SPAST: variants seen among roughly 807,000 people sequenced by gnomAD.
SPAST encodes the protein spastin, also known as spastic paraplegia 4 (autosomal dominant; spastin).
A neutral mutation model predicts 76.6 loss-of-function variants in SPAST; 30 were observed. That is an observed-to-expected ratio of 0.39 (90% CI 0.29 to 0.53). The LOEUF (loss-of-function observed/expected upper bound fraction) is 0.53, where lower values mean the gene tolerates loss of function less well. SPAST is among the 20% of genes least tolerant of loss of function. SPAST has a pLI of 0.68. For synonymous variants in SPAST, 305 were observed against 281.0 expected, an observed-to-expected ratio of 1.09 and a Z score of -0.86; for missense variants, 717 against 770.5, an observed-to-expected ratio of 0.93 and a Z score of 0.82.
chr2:32,099,388 A>G (rs996135390), intron 4 of SPAST, among the ~76,000 whole-genome samples: 6 of 152,210 alleles, frequency 3.9e-5, no homozygotes, highest in African/African-American at 7.2e-5. Context: ...ATTATTTGCT[A>G]TGGATTAACT....
At chr2:32,093,240 G>A (rs1677792214) in intron 3 of SPAST, among the ~76,000 whole-genome samples, 1 of 149,322 alleles carries the variant, frequency 6.7e-6, no homozygotes, top group African/African-American at 2.5e-5. Context: ...GAACCCGGGA[G>A]GCGGAGCTTG....
At chr2:32,075,298 C>T (rs1036309653) in intron 1 of SPAST, among the ~76,000 whole-genome samples, 18 of 151,154 alleles carry the variant, frequency 1.2e-4, no homozygotes, top group African/African-American at 3.4e-4. Context: ...TGGTAGTGGG[C>T]GCCTGTAATC....
intron 5 of SPAST, 66 bp downstream of exon 5, chr2:32,114,891 C>G: frequency 8.7e-7 from 1 of 1,149,660 alleles, no homozygotes; most frequent in Non-Finnish European, 1.3e-6. Flanking sequence ...AGATACTATT[C>G]CTGCTTAAGT....
At chr2:32,099,957 A>AGTGCTGCC (rs68055859) in intron 4 of SPAST, among the ~76,000 whole-genome samples, 1 of 52,302 alleles carries the variant, frequency 1.9e-5, no homozygotes, top group Non-Finnish European at 4.1e-5. Flanking sequence ...TGTTGTGAAT[A>AGTGCTGCC]GTGCTGCAGT....
chr2:32,135,350 C>A (rs1269416422), intron 9 of SPAST, among the ~76,000 whole-genome samples: 3 of 151,096 alleles, frequency 2.0e-5, no homozygotes, highest in Non-Finnish European at 4.4e-5. Context: ...AGGATGGTCT[C>A]GATCTCCTGA....
intron 7 of SPAST, among the ~76,000 whole-genome samples, chr2:32,121,406 G>A (rs1284478705): frequency 6.6e-6 from 1 of 152,116 alleles, no homozygotes; most frequent in Non-Finnish European, 1.5e-5. Context: ...CTCCCAAAGT[G>A]CTGGGATTAG....
At chr2:32,092,643 T>C (rs1677767150) in intron 3 of SPAST, among the ~76,000 whole-genome samples, 1 of 152,186 alleles carries the variant, frequency 6.6e-6, no homozygotes, top group Non-Finnish European at 1.5e-5. Context: ...AAAGTTGGTG[T>C]CTGTTTTCAC....
chr2:32,086,680 C>G (rs1677489379), intron 1 of SPAST, among the ~76,000 whole-genome samples: 2 of 151,810 alleles, frequency 1.3e-5, no homozygotes, highest in Non-Finnish European at 2.9e-5. Context: ...ATCGCTTGAA[C>G]CCGGGAGGGG....
chr2:32,129,390 G>T (rs1003771582), intron 9 of SPAST: 1 of 152,074 alleles, frequency 6.6e-6, no homozygotes, highest in Non-Finnish European at 1.5e-5. Context: ...CACCTGGCCA[G>T]TAGATTTTCC....
Position 32,128,149 on chromosome 2 carries a change from C to T in SPAST, c.1174-259C>T, listed in dbSNP as rs183664065. 2.0e-4 allele frequency: 83 copies of T among 409,464 alleles called. No individual in the cohort carries two copies. In the East Asian group the frequency reaches 4.4e-3, roughly 22 times the overall value. The allele number at this position is 409,464 out of a possible 1,614,324, so 25.4% of individuals were successfully genotyped here. ...AGCTGGGATTACAGGCATGCGCCACCACGCCTGACTAATTTTTGTATTTTT... is the reference window on the plus strand; with the variant it reads ...AGCTGGGATTACAGGCATGCGCCACTACGCCTGACTAATTTTTGTATTTTT... On this transcript the variant is annotated intron_variant, in intron 8 of 16. Transcript: ENST00000315285.
At chr2:32,083,748 TACTATA>T (rs1558620085) in intron 1 of SPAST, among the ~76,000 whole-genome samples, 10 of 57,830 alleles carry the variant, frequency 1.7e-4, no homozygotes, top group African/African-American at 5.3e-4. Context: ...TATTTATATA[TACTATA>T]TATATATATA....
chr2:32,098,220 C>G (rs1677994244), intron 3 of SPAST, among the ~76,000 whole-genome samples: 1 of 152,038 alleles, frequency 6.6e-6, no homozygotes, highest in African/African-American at 2.4e-5. Context: ...AATCCCTGCA[C>G]TTTGGGAGGC....
intron 4 of SPAST, among the ~76,000 whole-genome samples, chr2:32,113,756 G>C (rs754993775): frequency 6.6e-6 from 1 of 151,088 alleles, no homozygotes; most frequent in Non-Finnish European, 1.5e-5. Flanking sequence ...TAGCAGAGAC[G>C]AGGTTTCACC....
In SPAST at chr2:32,155,081, C is replaced by G. The variant is rs1680210331; in HGVS notation, c.*585C>G. 1 of 153,522 alleles carries G rather than the reference C, an allele frequency of 6.5e-6. No individual in the cohort carries two copies. The highest frequency in any genetic ancestry group is 2.4e-5 in the African/African-American group (1 of 41,452). 9.5% of individuals were successfully genotyped at this position (153,522 alleles called of 1,614,324 possible). ...TTTTGAGAGTTTCTTCTTCATAAAT[C>G]TACAGACATTAAACAATTGTTGTGT... is the stretch of plus-strand genomic sequence containing the variant. On this transcript the variant is annotated 3_prime_UTR_variant, in exon 17 of 17. Transcript: ENST00000315285.
At position 32,063,797 on chromosome 2, in the gene SPAST, G is replaced by T; in HGVS notation, c.-35G>T. The T allele has an allele frequency of 1.3e-6, 2 of 1,544,326 alleles. No homozygotes were observed. Among genetic ancestry groups the T allele is most frequent in the Non-Finnish European group, 1.7e-6 (2 of 1,152,700 alleles). On this transcript the variant is annotated 5_prime_UTR_variant, in exon 1 of 17. Transcript: ENST00000315285. ...CTTGGTTCCCGTCGGTCTGCGGGAG[G>T]CGGGTTATGGCGGCGGCGGCAGTGA... is the stretch of plus-strand genomic sequence containing the variant.
chr2:32,126,308 G>A (rs889635273), intron 7 of SPAST, among the ~76,000 whole-genome samples: 1 of 152,038 alleles, frequency 6.6e-6, no homozygotes, highest in African/African-American at 2.4e-5. Flanking sequence ...GGAATTCATT[G>A]TGTTAATCTC....
At chr2:32,092,048 C>A (rs1407132340) in intron 3 of SPAST, among the ~76,000 whole-genome samples, 1 of 152,042 alleles carries the variant, frequency 6.6e-6, no homozygotes, top group Admixed American at 6.6e-5. Context: ...TCATCACCTC[C>A]TTTGCTTAGG....
chr2:32,075,210 C>G (rs1676904133), intron 1 of SPAST, among the ~76,000 whole-genome samples: 2 of 151,782 alleles, frequency 1.3e-5, no homozygotes, highest in Admixed American at 1.3e-4. Flanking sequence ...ATTACGAGGT[C>G]AGGAGATTGA....
chr2:32,066,407 C>A (rs1301912395), intron 1 of SPAST, among the ~76,000 whole-genome samples: 1 of 152,078 alleles, frequency 6.6e-6, no homozygotes. Context: ...TGGTGGCTCA[C>A]GCGTGTAATC....
Sources: gnomAD v4.1 joint callset for allele counts (sites outside exome capture counted in the v4.1 genomes callset) on GRCh38, gnomAD v4.1.1 for gene constraint, MANE v1.5 for transcripts, NCBI Gene and HGNC (gene_info 2026-07-23, HGNC 2026-07-21) for gene names.